HERC1: variants seen among roughly 807,000 people sequenced by gnomAD.
HERC1 encodes probable E3 ubiquitin-protein ligase HERC1.
Under a neutral mutation model 554.3 loss-of-function variants are expected in HERC1, and 160 were observed. The ratio of observed to expected loss-of-function variants is 0.29; its 90% CI spans 0.25 to 0.33. The LOEUF (loss-of-function observed/expected upper bound fraction) is 0.33. HERC1 is among the 10% of genes least tolerant of loss of function. The pLI, the probability that HERC1 is intolerant of heterozygous loss-of-function variation, is 1.00. For missense variants in HERC1, 4,919 were observed against 5,918.5 expected (o/e 0.83, Z 5.54); for synonymous variants, 2,175 against 2,131.7 (o/e 1.02, Z -0.56).
At chr15:63,755,144 T>G (rs1456081748) in intron 6 of HERC1, 85 bp downstream of exon 6, 2 of 862,940 alleles carry the variant, frequency 2.3e-6, no homozygotes, top group African/African-American at 1.7e-5. Flanking sequence ...GTCTTTGGCC[T>G]AGTAAATCTG....
In HERC1 at chr15:63,694,841, C is replaced by G; in HGVS notation, c.5175G>C (p.Val1725=). ...RNIQIEIQVA[V]HKIYQQLSAT... is the part of the protein sequence containing the mutation. ...CAGACAACTGTTGATAAATTTTATG[C>G]ACAGCTACCTGGATTTCAATCTGAA... The change falls in exon 28 of 78, where the codon GTG becomes GTC. Residue 1725 remains valine, a synonymous_variant. Transcript: ENST00000443617. The surrounding 1 kb of genome is among the most constrained non-coding windows in gnomAD (Gnocchi z 4.3). 1 of 1,613,590 alleles carries G rather than the reference C, an allele frequency of 6.2e-7. No individual in the cohort carries two copies. The highest frequency in any genetic ancestry group is 8.5e-7 in the Non-Finnish European group (1 of 1,179,594).
chr15:63,687,997 C>T (rs188080697), intron 33 of HERC1, among the ~76,000 whole-genome samples: 30 of 152,172 alleles, frequency 2.0e-4, no homozygotes, highest in Admixed American at 6.5e-4. Flanking sequence ...CAAAGAATGA[C>T]GAGAAACCAT....
intron 22 of HERC1, 85 bp from the exon 23 acceptor site, chr15:63,713,750 T>G: frequency 1.6e-6 from 2 of 1,289,886 alleles, no homozygotes; most frequent in Middle Eastern, 2.5e-4. Flanking sequence ...TCAAAAAGTT[T>G]GGACCAAAAA....
chr15:63,619,204 A>C (rs2067958391), intron 74 of HERC1, among the ~76,000 whole-genome samples: 1 of 152,202 alleles, frequency 6.6e-6, no homozygotes, highest in African/African-American at 2.4e-5. Context: ...TTTTAGCATG[A>C]AGCGTTGTTG....
chr15:63,621,013 TG>T (rs1451448830), intron 74 of HERC1, among the ~76,000 whole-genome samples: 6 of 152,344 alleles, frequency 3.9e-5, no homozygotes, highest in Non-Finnish European at 8.8e-5. Context: ...AGTATTGTTA[TG>T]TGTGAATTTG....
rs1174910773 is a variant in HERC1, at chr15:63,775,752, A to G, written c.-26-103T>C. On this transcript the variant is annotated intron_variant, in intron 1 of 77. Transcript: ENST00000443617. This position sits in a 1 kb window ranked among gnomAD's most constrained non-coding sequence, Gnocchi z 4.0. Reference sequence around the variant, plus strand: ...CAATTAATGATTTCAAACTGGTGAAATGCAGCCGGGTGCGGTGGCTCACGC... The same window carrying G: ...CAATTAATGATTTCAAACTGGTGAAGTGCAGCCGGGTGCGGTGGCTCACGC... The G allele has an allele frequency of 3.5e-6, 3 of 853,996 alleles. No individual in the cohort carries two copies. The highest frequency in any genetic ancestry group is 5.4e-6 in the Non-Finnish European group (3 of 559,172). 52.9% of individuals were successfully genotyped at this position (853,996 alleles called of 1,614,324 possible). A position where few individuals can be genotyped will look rare whatever the true frequency, so the allele number is the denominator to read the frequency against.
chr15:63,643,627 A>C, intron 57 of HERC1, 77 bp from the exon 58 acceptor site: 1 of 1,119,716 alleles, frequency 8.9e-7, no homozygotes, highest in Non-Finnish European at 1.2e-6. Context: ...TCACTCTTGG[A>C]AATTTTATAT....
In HERC1 at chr15:63,696,178, G is replaced by T. The variant is rs2153057503; in HGVS notation, c.5067C>A (p.Gly1689=). 2 of 1,613,642 alleles carry T rather than the reference G, an allele frequency of 1.2e-6. No homozygotes were observed. Among genetic ancestry groups the T allele is most frequent in the Non-Finnish European group, 1.7e-6 (2 of 1,179,736 alleles). The part of the protein sequence containing the change: ...LQFLAGCFGL[G]TVGHTGGKGE... ...CCTTGCCTCCTGTGTGTCCAACAGT[G>T]CCTAAACCAAAACACCCTGCTAGGA... Residue 1689 remains glycine (G), a synonymous_variant, in exon 27 of 78, where the codon GGC becomes GGA. Transcript: ENST00000443617.
chr15:63,685,468 C>T (rs2071703394), intron 34 of HERC1, among the ~76,000 whole-genome samples: 1 of 152,204 alleles, frequency 6.6e-6, no homozygotes, highest in Non-Finnish European at 1.5e-5. Context: ...ATCATAATAC[C>T]TCAGTCCTGG....
intron 53 of HERC1, 148 bp from the exon 54 acceptor site, chr15:63,650,073 G>A (rs914111230): frequency 4.6e-5 from 29 of 625,764 alleles, no homozygotes; most frequent in Admixed American, 8.7e-5. Flanking sequence ...ATGAAGGCAG[G>A]ATCCTTCATT....
rs762566423 is a variant in HERC1 at position 63,746,960 on chromosome 15, G to C, written c.2478C>G (p.Leu826=). The change falls in exon 12 of 78, where the codon CTC becomes CTG. Residue 826 remains leucine, a synonymous_variant. Coordinates refer to ENST00000443617, the MANE Select transcript of HERC1 (RefSeq NM_003922.4). ...GRQAGPLRNL[L]FRLMDSTVPD... ...GGACAGTTGAGTCCATCAGTCTGAA[G>C]AGCAAATTTCGAAGTGGACCTGCCT... 3 of 1,554,300 alleles carry C rather than the reference G, an allele frequency of 1.9e-6. No homozygotes were observed. In the South Asian group the frequency reaches 3.6e-5, roughly 18 times the overall value.
At chr15:63,822,125 A>G (rs2077723125) in intron 1 of HERC1, among the ~76,000 whole-genome samples, 1 of 152,192 alleles carries the variant, frequency 6.6e-6, no homozygotes, top group African/African-American at 2.4e-5. Flanking sequence ...GAAAGGGACG[A>G]ACAAGTTTTA....
chr15:63,613,142 G>A (rs1455259576), intron 76 of HERC1, among the ~76,000 whole-genome samples: 1 of 152,170 alleles, frequency 6.6e-6, no homozygotes, highest in African/African-American at 2.4e-5. Flanking sequence ...GAAGAGACTT[G>A]GGTTCTAACT....
intron 31 of HERC1, among the ~76,000 whole-genome samples, chr15:63,690,913 C>T (rs1390084943): frequency 5.3e-5 from 8 of 152,188 alleles, no homozygotes; most frequent in Non-Finnish European, 2.9e-5. Context: ...CTATGCTACA[C>T]ATTTCACACA....
intron 1 of HERC1, among the ~76,000 whole-genome samples, chr15:63,785,756 C>A (rs926997757): frequency 3.3e-5 from 5 of 151,514 alleles, no homozygotes; most frequent in African/African-American, 1.2e-4. Context: ...TCAACAGAGA[C>A]CCTGTCTCTA....
At chr15:63,791,213 A>G (rs1006447073) in intron 1 of HERC1, among the ~76,000 whole-genome samples, 1 of 152,176 alleles carries the variant, frequency 6.6e-6, no homozygotes, top group Non-Finnish European at 1.5e-5. Flanking sequence ...ATAACTTCTC[A>G]TTGTGTGTAT....
At chr15:63,746,046 C>A (rs966379130) in intron 12 of HERC1, among the ~76,000 whole-genome samples, 1 of 152,024 alleles carries the variant, frequency 6.6e-6, no homozygotes, top group South Asian at 2.1e-4. Flanking sequence ...CTCTAATCTA[C>A]ATTAGTTCCT....
chr15:63,714,078 T>C (rs2073429059), intron 22 of HERC1, among the ~76,000 whole-genome samples: 1 of 152,122 alleles, frequency 6.6e-6, no homozygotes, highest in African/African-American at 2.4e-5. Flanking sequence ...ATCTGTGTTT[T>C]AAAGGCCCTT....
intron 34 of HERC1, among the ~76,000 whole-genome samples, chr15:63,681,983 G>A (rs565458947): frequency 2.0e-5 from 3 of 152,222 alleles, no homozygotes; most frequent in South Asian, 2.1e-4. Context: ...GGAGTCTGAC[G>A]AGTCCTTCTA....
Sources: allele counts gnomAD v4.1 joint callset (sites outside exome capture counted in the v4.1 genomes callset), GRCh38; gene constraint gnomAD v4.1.1; non-coding constraint Gnocchi (gnomAD v3.1); transcripts MANE v1.5; gene names NCBI Gene and HGNC (gene_info 2026-07-23, HGNC 2026-07-21).